The following VRK2 variants were observed in gnomAD, a reference collection of about 807,000 sequenced individuals.
VRK2 encodes VRK serine/threonine kinase 2, also known as serine/threonine-protein kinase VRK2.
A neutral mutation model predicts 57.6 loss-of-function variants in VRK2; 60 were observed. That is an observed-to-expected ratio of 1.04 (90% confidence interval 0.85 to 1.29). VRK2 has a LOEUF of 1.29. Ranked by LOEUF, VRK2 falls within the 50% of genes most tolerant of loss-of-function variation. VRK2 has a pLI of 0.00. For missense variants in VRK2, 705 were observed against 588.1 expected (o/e 1.20, Z -2.06); for synonymous variants, 231 against 199.2 (o/e 1.16, Z -1.35).
intron 1 of VRK2, among the ~76,000 whole-genome samples, chr2:57,978,738 T>C (rs1405980799): frequency 2.0e-5 from 3 of 150,298 alleles, no homozygotes; most frequent in South Asian, 2.1e-4. Context: ...GTTTGTTTCA[T>C]AGGTATACAT....
At chr2:57,913,102 G>C (rs560526872) in intron 1 of VRK2, among the ~76,000 whole-genome samples, 1 of 152,098 alleles carries the variant, frequency 6.6e-6, no homozygotes, top group Non-Finnish European at 1.5e-5. Flanking sequence ...TAAACCATAC[G>C]GTCTATGATA....
At chr2:57,962,173 C>T (rs1168929044) in intron 1 of VRK2, among the ~76,000 whole-genome samples, 1 of 152,114 alleles carries the variant, frequency 6.6e-6, no homozygotes, top group East Asian at 1.9e-4. Flanking sequence ...ATTAGTGAGA[C>T]TAGAAAGGAC....
At chr2:57,971,389 T>C (rs1240387750) in intron 1 of VRK2, among the ~76,000 whole-genome samples, 3 of 152,074 alleles carry the variant, frequency 2.0e-5, no homozygotes, top group South Asian at 2.1e-4. Flanking sequence ...ATAAACCACA[T>C]TGCTTGTTTA....
At chr2:57,913,864 A>C (rs1670066799) in intron 1 of VRK2, among the ~76,000 whole-genome samples, 1 of 152,108 alleles carries the variant, frequency 6.6e-6, no homozygotes, top group African/African-American at 2.4e-5. Flanking sequence ...AATGGGGCTT[A>C]ATAATATTTA....
intron 7 of VRK2, among the ~76,000 whole-genome samples, chr2:58,094,294 T>C (rs1027899521): frequency 2.0e-5 from 3 of 152,194 alleles, no homozygotes; most frequent in Admixed American, 2.0e-4. Flanking sequence ...TTCCTATCCA[T>C]GAGCATGGAA....
chr2:57,965,143 G>T (rs1671876694), intron 1 of VRK2, among the ~76,000 whole-genome samples: 1 of 152,046 alleles, frequency 6.6e-6, no homozygotes, highest in South Asian at 2.1e-4. Context: ...TTAACATTAG[G>T]ATACCTTGAA....
intron 2 of VRK2, among the ~76,000 whole-genome samples, chr2:58,061,961 T>C (rs1358743214): frequency 6.6e-6 from 1 of 152,056 alleles, no homozygotes; most frequent in East Asian, 1.9e-4. Context: ...CAGGCTTACC[T>C]TGTCTTATTG....
At chr2:58,132,776 C>G (rs900496581) in intron 9 of VRK2, among the ~76,000 whole-genome samples, 3 of 152,142 alleles carry the variant, frequency 2.0e-5, no homozygotes, top group African/African-American at 7.2e-5. Context: ...GTTCTTAATA[C>G]TGAGAAAGAT....
intron 1 of VRK2, among the ~76,000 whole-genome samples, chr2:57,967,659 G>A (rs2104013332): frequency 6.6e-6 from 1 of 151,338 alleles, no homozygotes; most frequent in South Asian, 2.1e-4. Context: ...CAATGCTAAG[G>A]TTAGAGCACT....
intron 12 of VRK2, among the ~76,000 whole-genome samples, chr2:58,153,208 T>G (rs1355982353): frequency 6.6e-6 from 1 of 152,182 alleles, no homozygotes; most frequent in South Asian, 2.1e-4. Context: ...GCCCTTGAGA[T>G]CGATCCAAGT....
chr2:58,101,445 T>C (rs1423415519), intron 7 of VRK2, among the ~76,000 whole-genome samples: 2 of 151,786 alleles, frequency 1.3e-5, no homozygotes. Context: ...AGAATGTGAT[T>C]ACTACTCTTA....
intron 3 of VRK2, among the ~76,000 whole-genome samples, chr2:58,039,648 G>C (rs1397871884): frequency 6.6e-6 from 1 of 152,018 alleles, no homozygotes; most frequent in African/African-American, 2.4e-5. Context: ...ACTGGAGAGG[G>C]GGAAAATGTG....
chr2:57,980,917 T>C (rs1672403959), intron 1 of VRK2, among the ~76,000 whole-genome samples: 1 of 152,184 alleles, frequency 6.6e-6, no homozygotes, highest in Admixed American at 6.5e-5. Flanking sequence ...TTTGAGCCTA[T>C]GGGTGTCATT....
chr2:58,017,836 T>C (rs1673632240), intron 1 of VRK2, among the ~76,000 whole-genome samples: 1 of 152,184 alleles, frequency 6.6e-6, no homozygotes, highest in African/African-American at 2.4e-5. Context: ...GATTTGTTGT[T>C]AAATCTCTGT....
chr2:58,089,771 T>A, intron 7 of VRK2, 48 bp downstream of exon 7: 1 of 1,338,152 alleles, frequency 7.5e-7, no homozygotes, highest in Non-Finnish European at 1.1e-6. Context: ...TGTATGAAAC[T>A]GAAACATTCA....
At chr2:58,046,690 C>T, upstream of VRK2, 6 of 985,570 alleles carry the variant, frequency 6.1e-6, no homozygotes, top group Non-Finnish European at 7.2e-6. Flanking sequence ...TGAGGCTCCG[C>T]GGGCCGCTGC....
chr2:58,043,775 T>C (rs896323545), upstream of VRK2, among the ~76,000 whole-genome samples: 1 of 152,218 alleles, frequency 6.6e-6, no homozygotes, highest in Non-Finnish European at 1.5e-5. Context: ...TGTATGTTAA[T>C]TATATGTTTG....
intron 12 of VRK2, among the ~76,000 whole-genome samples, chr2:58,150,096 C>T (rs1249487967): frequency 2.1e-5 from 3 of 144,148 alleles, no homozygotes; most frequent in African/African-American, 2.6e-5. Context: ...TTTCTTTTGT[C>T]GTAATATCCT....
chr2:58,063,109 T>A (rs982585101), intron 2 of VRK2, among the ~76,000 whole-genome samples: 41 of 151,994 alleles, frequency 2.7e-4, no homozygotes, highest in Non-Finnish European at 2.8e-4. Context: ...ATTCTGCTTG[T>A]ACCCTGTAAA....
Sources: allele counts gnomAD v4.1 joint callset (sites outside exome capture counted in the v4.1 genomes callset), GRCh38; gene constraint gnomAD v4.1.1; transcripts MANE v1.5; gene names NCBI Gene and HGNC (gene_info 2026-07-23, HGNC 2026-07-21).